Variants in FHIT observed in about 807,000 individuals in gnomAD.
FHIT encodes the protein fragile histidine triad diadenosine triphosphatase, also known as bis(5'-adenosyl)-triphosphatase.
A neutral mutation model predicts 17.9 loss-of-function variants in FHIT; 19 were observed. The ratio of observed to expected loss-of-function variants is 1.06; its 90% CI spans 0.74 to 1.56. The LOEUF (loss-of-function observed/expected upper bound fraction) is 1.56. Among genes scored for constraint, FHIT ranks in the 40% most tolerant of loss-of-function variants. The probability of loss-of-function intolerance (pLI) is 0.00; values close to 1 mark genes in which losing one functional copy is unlikely to be tolerated. For missense variants in FHIT, 248 were observed against 189.2 expected (o/e 1.31, Z -1.82); for synonymous variants, 81 against 69.7 (o/e 1.16, Z -0.81).
chr3:60,234,275 T>C (rs1025822913), intron 5 of FHIT, among the ~76,000 whole-genome samples: 1 of 152,236 alleles, frequency 6.6e-6, no homozygotes, highest in African/African-American at 2.4e-5. Flanking sequence ...TGTATATATC[T>C]GTAGTATTAA....
chr3:60,000,807 C>T (rs1458634828), intron 7 of FHIT, among the ~76,000 whole-genome samples: 4 of 152,154 alleles, frequency 2.6e-5, no homozygotes, highest in Admixed American at 2.6e-4. Flanking sequence ...CAATTCCTTA[C>T]CACAGCATAA....
At position 60,695,016 on chromosome 3, in the gene FHIT, C is replaced by G. The variant is rs143112926; in HGVS notation, c.-18+126903G>C. Reference sequence around the variant, plus strand: ...ACATGGCACATGTATACATATGTAACAAACCTGCACGTTGTGCACATGTAC... The same window carrying G: ...ACATGGCACATGTATACATATGTAAGAAACCTGCACGTTGTGCACATGTAC... On this transcript the variant is annotated intron_variant, in intron 4 of 9. Coordinates refer to ENST00000492590, the MANE Select transcript of FHIT (RefSeq NM_002012.4). Among the ~76,000 whole-genome samples, 95 of 152,166 alleles carry G rather than the reference C, an allele frequency of 6.2e-4. 1 individual carries two copies. Among genetic ancestry groups the G allele is most frequent in the African/African-American group, 2.2e-3 (91 of 41,504 alleles).
chr3:59,981,306 G>T (rs1424249227), intron 7 of FHIT, among the ~76,000 whole-genome samples: 2 of 152,086 alleles, frequency 1.3e-5, no homozygotes, highest in Non-Finnish European at 2.9e-5. Context: ...GTATGAGGAA[G>T]AACTGAACGC....
intron 3 of FHIT, among the ~76,000 whole-genome samples, chr3:61,016,645 A>G (rs1461125461): frequency 6.6e-6 from 1 of 152,256 alleles, no homozygotes; most frequent in African/African-American, 2.4e-5. Context: ...AATTTGTAGC[A>G]TAAGAGTTCA....
At chr3:60,147,826 A>G (rs941468867) in intron 5 of FHIT, among the ~76,000 whole-genome samples, 24 of 152,128 alleles carry the variant, frequency 1.6e-4, no homozygotes, top group African/African-American at 4.6e-4. Context: ...GCAGTTGTCG[A>G]ACGACCTCGG....
rs531844298 is a variant in FHIT, at chr3:60,498,455, C to A, written c.103+38405G>T. 7.2e-5 allele frequency among the ~76,000 whole-genome samples: 11 copies of A among 152,250 alleles called. No individual in the cohort carries two copies. In the South Asian group the frequency reaches 2.3e-3, roughly 32 times the overall value. On this transcript the variant is annotated intron_variant, in intron 5 of 9. Coordinates refer to ENST00000492590, the MANE Select transcript of FHIT (RefSeq NM_002012.4). ...GATTCCTTATAAGAAAATAAACACA[C>A]ATATTGTATCTTCAACTAAGGGTTG...
At chr3:60,496,771 G>A (rs2034316820) in intron 5 of FHIT, among the ~76,000 whole-genome samples, 1 of 152,074 alleles carries the variant, frequency 6.6e-6, no homozygotes, top group African/African-American at 2.4e-5. Flanking sequence ...TCCACTCAGG[G>A]ACTAGAATAC....
At chr3:59,767,915 G>C (rs1322062926) in intron 8 of FHIT, among the ~76,000 whole-genome samples, 1 of 152,092 alleles carries the variant, frequency 6.6e-6, no homozygotes, top group Non-Finnish European at 1.5e-5. Flanking sequence ...CTAAATTGAG[G>C]CTCTAACTTA....
chr3:61,122,730 G>A (rs1186827243), intron 2 of FHIT, among the ~76,000 whole-genome samples: 2 of 151,970 alleles, frequency 1.3e-5, no homozygotes, highest in Admixed American at 6.6e-5. Flanking sequence ...ACATTTATGT[G>A]GACAACAAAC....
At position 60,831,322 on chromosome 3, in the gene FHIT, T is replaced by C. The variant is rs1702318575; in HGVS notation, c.-110-9311A>G. Among the ~76,000 whole-genome samples the C allele has an allele frequency of 2.0e-5, 3 of 152,188 alleles. No individual in the cohort carries two copies. In the South Asian group the frequency reaches 6.2e-4, roughly 31 times the overall value. On this transcript the variant is annotated intron_variant, in intron 3 of 9. Transcript: ENST00000492590. ...GAGTTCTTCTCATGGTTCTCAACCT[T>C]ATACTCTGAAAGAGAACTTCTTATA...
At chr3:59,964,096 C>T (rs1707813072) in intron 7 of FHIT, among the ~76,000 whole-genome samples, 1 of 152,106 alleles carries the variant, frequency 6.6e-6, no homozygotes, top group African/African-American at 2.4e-5. Flanking sequence ...ATAAAACAAC[C>T]TGAAAGTAAG....
At chr3:60,493,632 T>C (rs2034160396) in intron 5 of FHIT, among the ~76,000 whole-genome samples, 1 of 152,206 alleles carries the variant, frequency 6.6e-6, no homozygotes, top group African/African-American at 2.4e-5. Context: ...ATTTCCAAAA[T>C]GACATTTTTA....
chr3:60,440,503 G>C (rs747786371), intron 5 of FHIT, among the ~76,000 whole-genome samples: 4 of 152,096 alleles, frequency 2.6e-5, no homozygotes, highest in African/African-American at 9.7e-5. Flanking sequence ...TCCTACGCCT[G>C]TAACTTTACC....
intron 5 of FHIT, among the ~76,000 whole-genome samples, chr3:60,528,374 T>G (rs955586070): frequency 2.0e-5 from 3 of 152,126 alleles, no homozygotes; most frequent in Middle Eastern, 6.8e-3. Context: ...TATATAAATA[T>G]ACTCTCCACT....
At chr3:60,485,584 T>C (rs2033802591) in intron 5 of FHIT, among the ~76,000 whole-genome samples, 1 of 150,784 alleles carries the variant, frequency 6.6e-6, no homozygotes, top group Admixed American at 6.6e-5. Flanking sequence ...TTCTCACTCA[T>C]AAGTGGGAGC....
intron 5 of FHIT, among the ~76,000 whole-genome samples, chr3:60,097,083 T>G (rs925044747): frequency 2.7e-5 from 4 of 149,776 alleles, no homozygotes; most frequent in Admixed American, 1.3e-4. Flanking sequence ...AGGGTCTCCA[T>G]GTAGAGTACC....
chr3:60,907,164 T>A (rs1054723971), intron 3 of FHIT, among the ~76,000 whole-genome samples: 34 of 152,150 alleles, frequency 2.2e-4, no homozygotes, highest in Middle Eastern at 3.4e-3. Context: ...ACCTTAAAAA[T>A]GGAGTGACCT....
chr3:60,605,419 G>T (rs1400247228), intron 4 of FHIT, among the ~76,000 whole-genome samples: 1 of 152,160 alleles, frequency 6.6e-6, no homozygotes, highest in Non-Finnish European at 1.5e-5. Context: ...GATACCAAGA[G>T]ATCAAATATT....
chr3:60,200,885 C>T (rs1702870513), intron 5 of FHIT, among the ~76,000 whole-genome samples: 1 of 152,128 alleles, frequency 6.6e-6, no homozygotes, highest in Non-Finnish European at 1.5e-5. Flanking sequence ...TTCTTTACTC[C>T]TTTGTTCAAC....
Sources: gnomAD v4.1 joint callset for allele counts (sites outside exome capture counted in the v4.1 genomes callset) on GRCh38, gnomAD v4.1.1 for gene constraint, MANE v1.5 for transcripts, NCBI Gene and HGNC (gene_info 2026-07-23, HGNC 2026-07-21) for gene names.